The following ASXL1 variants were observed in gnomAD, a reference collection of about 807,000 sequenced individuals.
ASXL1 encodes ASXL transcriptional regulator 1, also known as polycomb group protein ASXL1.
ASXL1 carries 65 observed loss-of-function variants against 89.1 expected under a neutral mutation model. That is an observed-to-expected ratio of 0.73 (90% CI 0.60 to 0.90). The LOEUF is 0.90. Ranked by LOEUF, ASXL1 falls within the 40% of genes least tolerant of loss-of-function variation. ASXL1 has a pLI of 0.00. For missense variants in ASXL1, 1,786 were observed against 1,942.9 expected (o/e 0.92, Z 1.52); for synonymous variants, 739 against 746.9 (o/e 0.99, Z 0.17).
chr20:32,406,313 T>C (rs939109942), intron 4 of ASXL1, among the ~76,000 whole-genome samples: 1 of 151,968 alleles, frequency 6.6e-6, no homozygotes, highest in Admixed American at 6.6e-5. Flanking sequence ...TTTGGGAGGC[T>C]GAGGCGGGTG....
In ASXL1 at chr20:32,433,836, G is replaced by A. The variant is rs2123269543; in HGVS notation, c.1638G>A (p.Gln546=). The change falls in exon 12 of 13, where the codon CAG becomes CAA. Residue 546 remains glutamine, a synonymous_variant. Transcript: ENST00000375687. ...PEKKPRLEDR[Q]SFRNTIESVH... Reference sequence around the variant, plus strand: ...AGAAGCCCCGGCTTGAAGATCGTCAGTCCTTTCGTAACACAATTGAAAGTG... The same window carrying A: ...AGAAGCCCCGGCTTGAAGATCGTCAATCCTTTCGTAACACAATTGAAAGTG... The A allele has an allele frequency of 6.2e-7, 1 of 1,614,090 alleles. No homozygotes were observed. Among genetic ancestry groups the A allele is most frequent in the Non-Finnish European group, 8.5e-7 (1 of 1,180,026 alleles).
chr20:32,402,779 CTT>C (rs2048897287), intron 4 of ASXL1, among the ~76,000 whole-genome samples: 3 of 152,098 alleles, frequency 2.0e-5, no homozygotes, highest in South Asian at 2.1e-4. Flanking sequence ...ATGTTCAAGA[CTT>C]TTCTATTTTC....
At chr20:32,365,377 T>C in intron 1 of ASXL1, among the ~76,000 whole-genome samples, 1 of 152,204 alleles carries the variant, frequency 6.6e-6, no homozygotes, top group Middle Eastern at 3.2e-3. Flanking sequence ...TGAGGTCTTA[T>C]GTTCTTCCAT....
At chr20:32,400,242 CT>C (rs1414221388) in intron 4 of ASXL1, among the ~76,000 whole-genome samples, 1 of 151,994 alleles carries the variant, frequency 6.6e-6, no homozygotes, top group South Asian at 2.1e-4. Context: ...CTTTAGTATA[CT>C]TTTTTTTCCT....
chr20:32,400,769 G>A (rs1266252835), intron 4 of ASXL1, among the ~76,000 whole-genome samples: 1 of 152,186 alleles, frequency 6.6e-6, no homozygotes, highest in African/African-American at 2.4e-5. Flanking sequence ...AGCCTCCATA[G>A]GGCTTCTGCT....
chr20:32,369,091 C>T lies in ASXL1; in HGVS notation c.220C>T (p.Leu74=). ...AGGAGGAGAGGGGTTGTTTTATAAA[C>T]TGCCTGGCCGAATCAGCCTTTTCAC... ...SRGGEGLFYK[L]PGRISLFTLK... Residue 74 remains leucine (L), a synonymous_variant, in exon 4 of 13, where the codon CTG becomes TTG. Transcript: ENST00000375687. The T allele has an allele frequency of 6.2e-7, 1 of 1,613,794 alleles. No individual in the cohort carries two copies. The highest frequency in any genetic ancestry group is 8.5e-7 in the Non-Finnish European group (1 of 1,179,714).
At chr20:32,362,869 T>C (rs13045427) in intron 1 of ASXL1, among the ~76,000 whole-genome samples, 1 of 152,140 alleles carries the variant, frequency 6.6e-6, no homozygotes, top group Non-Finnish European at 1.5e-5. Flanking sequence ...TTATAAACAG[T>C]TTGTTTGGGA....
intron 4 of ASXL1, chr20:32,427,088 T>A (rs907579465): frequency 5.9e-5 from 9 of 152,142 alleles, no homozygotes; most frequent in Non-Finnish European, 7.4e-5. Context: ...CCAACTTATC[T>A]TCTTCTTGTC....
intron 4 of ASXL1, among the ~76,000 whole-genome samples, chr20:32,377,961 AAGT>A: frequency 2.5e-5 from 2 of 79,796 alleles, no homozygotes; most frequent in Non-Finnish European, 5.0e-5. Flanking sequence ...CCCCAAAATA[AAGT>A]TTTGACTCTG....
At chr20:32,428,988 C>T (rs575200324) in intron 6 of ASXL1, 105 of 364,872 alleles carry the variant, frequency 2.9e-4, no homozygotes, top group Non-Finnish European at 4.8e-4. Flanking sequence ...GTAATATACA[C>T]GTGAACATTC....
rs773637964 is a variant in ASXL1, at chr20:32,429,322, C to T, written c.472-16C>T. ...CAGTTGACTTGGGCTCTCTTTTGTT[C>T]TCTCTTGGAACGCAGGCGAACAAAC... On this transcript the variant is annotated splice_polypyrimidine_tract_variant and intron_variant, in intron 6 of 12. Transcript: ENST00000375687. The surrounding 1 kb of genome is among the most constrained non-coding windows in gnomAD (Gnocchi z 4.9). 1.9e-6 allele frequency: 3 copies of T among 1,613,006 alleles called. No individual in the cohort carries two copies. Among genetic ancestry groups the T allele is most frequent in the Non-Finnish European group, 2.5e-6 (3 of 1,179,358 alleles).
chr20:32,394,771 T>C (rs1343770345), intron 4 of ASXL1, among the ~76,000 whole-genome samples: 1 of 152,046 alleles, frequency 6.6e-6, no homozygotes, highest in African/African-American at 2.4e-5. Flanking sequence ...TACAGTGCAG[T>C]GGTGCAATCT....
At chr20:32,410,847 G>A (rs2049029626) in intron 4 of ASXL1, among the ~76,000 whole-genome samples, 1 of 151,944 alleles carries the variant, frequency 6.6e-6, no homozygotes, top group African/African-American at 2.4e-5. Context: ...TTGCCAACAT[G>A]GTGAAACCCT....
chr20:32,376,139 AGTG>A (rs1460133895), intron 4 of ASXL1, among the ~76,000 whole-genome samples: 1 of 152,194 alleles, frequency 6.6e-6, no homozygotes, highest in Non-Finnish European at 1.5e-5. Flanking sequence ...AAAGGATGAA[AGTG>A]GTGGGAAGTT....
Position 32,369,069 on chromosome 20 carries a change from A to G in ASXL1, c.198A>G (p.Gly66=). 1 of 1,614,012 alleles carries G rather than the reference A, an allele frequency of 6.2e-7. No individual in the cohort carries two copies. The highest frequency in any genetic ancestry group is 8.5e-7 in the Non-Finnish European group (1 of 1,179,982). ...LNAMLHSNSR[G]GEGLFYKLPG... The stretch of plus-strand genomic sequence containing the variant: ...CTATGCTACATTCCAATTCAAGAGG[A>G]GGAGAGGGGTTGTTTTATAAACTGC... The change falls in exon 4 of 13, where the codon GGA becomes GGG. Residue 66 remains glycine, a synonymous_variant. Transcript: ENST00000375687.
chr20:32,419,804 T>C (rs935966627), intron 4 of ASXL1, among the ~76,000 whole-genome samples: 8 of 151,712 alleles, frequency 5.3e-5, no homozygotes, highest in East Asian at 1.9e-4. Context: ...CTCAGCCTCC[T>C]GAGTGGCCGG....
intron 4 of ASXL1, among the ~76,000 whole-genome samples, chr20:32,423,622 C>A (rs549688482): frequency 3.9e-5 from 6 of 152,132 alleles, no homozygotes; most frequent in Non-Finnish European, 8.8e-5. Context: ...ATGATCTTGG[C>A]TCACTGCAGC....
At chr20:32,433,167 C>T (rs1042804577) in intron 11 of ASXL1, 117 bp from the exon 12 acceptor site, 12 of 1,548,234 alleles carry the variant, frequency 7.8e-6, no homozygotes, top group Non-Finnish European at 1.0e-5. Flanking sequence ...TTAGATTGTG[C>T]ACCACACAGA....
intron 4 of ASXL1, among the ~76,000 whole-genome samples, chr20:32,395,560 C>T (rs1350284204): frequency 6.6e-6 from 1 of 152,200 alleles, no homozygotes; most frequent in Non-Finnish European, 1.5e-5. Context: ...TATTCAGCTA[C>T]TATTTCTTGA....
Sources: allele counts gnomAD v4.1 joint callset (sites outside exome capture counted in the v4.1 genomes callset), GRCh38; gene constraint gnomAD v4.1.1; non-coding constraint Gnocchi (gnomAD v3.1); transcripts MANE v1.5; gene names NCBI Gene and HGNC (gene_info 2026-07-23, HGNC 2026-07-21).